The following HS6ST2 variants were observed in gnomAD, a reference collection of about 807,000 sequenced individuals.
The protein encoded by HS6ST2 is heparan-sulfate 6-O-sulfotransferase 2.
Under a neutral mutation model 33.0 loss-of-function variants are expected in HS6ST2, and 17 were observed. The observed-to-expected ratio is 0.52, with a 90% confidence interval of 0.35 to 0.77. The LOEUF (loss-of-function observed/expected upper bound fraction) is 0.77, where lower values mean the gene tolerates loss of function less well. Among genes scored for constraint, HS6ST2 ranks in the 30% least tolerant of loss-of-function variants. The probability of loss-of-function intolerance (pLI) is 0.01; values close to 1 mark genes in which losing one functional copy is unlikely to be tolerated. For synonymous variants in HS6ST2, 248 were observed against 237.1 expected (o/e 1.05, Z -0.42); for missense variants, 519 against 551.7 (o/e 0.94, Z 0.59).
chrX:132,890,024 A>C (rs981009579), intron 2 of HS6ST2, among the ~76,000 whole-genome samples: 1 of 111,723 alleles, frequency 9.0e-6, no homozygotes, highest in Non-Finnish European at 1.9e-5. Flanking sequence ...TTCATAGGCA[A>C]CAGTAACTCT....
intron 3 of HS6ST2, among the ~76,000 whole-genome samples, chrX:132,694,831 G>A (rs2064091101): frequency 9.0e-6 from 1 of 111,107 alleles, no homozygotes; most frequent in Admixed American, 9.6e-5. Context: ...TGGCCTGGGG[G>A]AGAAAAAGAT....
At chrX:132,954,661 G>A (rs770161890) in intron 2 of HS6ST2, among the ~76,000 whole-genome samples, 1 of 111,863 alleles carries the variant, frequency 8.9e-6, no homozygotes, top group Admixed American at 9.4e-5. Context: ...GTGCCCTTGA[G>A]GTAGCAATGC....
rs1359673276 is a variant in HS6ST2 at position 132,628,216 on chromosome X, G to C, written c.*7C>G. On this transcript the variant is annotated 3_prime_UTR_variant, in exon 5 of 5. Transcript: ENST00000370833. The stretch of plus-strand genomic sequence containing the variant: ...GGGAGAAGTATGTACAGGCCTTTTT[G>C]AGCCATTTAACGCCATTTCTCTACA... The C allele has an allele frequency of 8.9e-7, 1 of 1,126,537 alleles. No individual in the cohort carries two copies. Among genetic ancestry groups the C allele is most frequent in the African/African-American group, 1.8e-5 (1 of 55,133 alleles). The allele number at this position is 1,126,537 out of a possible 1,213,427, so 92.8% of individuals were successfully genotyped here.
chrX:132,825,800 A>G (rs979508098), intron 2 of HS6ST2, among the ~76,000 whole-genome samples: 13 of 111,790 alleles, frequency 1.2e-4, no homozygotes, highest in African/African-American at 4.2e-4. Flanking sequence ...TAATACAGCC[A>G]AAAGGAATCC....
chrX:132,763,639 T>G (rs1222413369), intron 2 of HS6ST2, among the ~76,000 whole-genome samples: 1 of 112,066 alleles, frequency 8.9e-6, no homozygotes, highest in East Asian at 2.8e-4. Flanking sequence ...ATCTTGCAAC[T>G]GTGACATGTC....
chrX:132,877,623 T>C (rs986036970), intron 2 of HS6ST2, among the ~76,000 whole-genome samples: 1 of 110,933 alleles, frequency 9.0e-6, no homozygotes, highest in Admixed American at 9.7e-5. Context: ...AAGGATCAGC[T>C]CGGTATAATA....
At chrX:132,732,693 T>C (rs1403877147) in intron 2 of HS6ST2, among the ~76,000 whole-genome samples, 1 of 111,641 alleles carries the variant, frequency 9.0e-6, no homozygotes, top group Non-Finnish European at 1.9e-5. Context: ...TCCTTTACCT[T>C]CTGCCATGAT....
At chrX:132,950,589 T>C (rs559150729) in intron 2 of HS6ST2, among the ~76,000 whole-genome samples, 1 of 111,947 alleles carries the variant, frequency 8.9e-6, no homozygotes, top group Admixed American at 9.5e-5. Context: ...AAAAGTATTC[T>C]ATGTTTAAAT....
At chrX:132,893,637 C>T (rs890107871) in intron 2 of HS6ST2, among the ~76,000 whole-genome samples, 1 of 111,743 alleles carries the variant, frequency 8.9e-6, no homozygotes, top group African/African-American at 3.2e-5. Flanking sequence ...GAACTCTTCC[C>T]AGGCTGGGAG....
chrX:132,828,661 A>G (rs2065550287), intron 2 of HS6ST2, among the ~76,000 whole-genome samples: 1 of 91,392 alleles, frequency 1.1e-5, no homozygotes. Flanking sequence ...TCCTGGGGAT[A>G]ATGGAAATAT....
intron 3 of HS6ST2, among the ~76,000 whole-genome samples, chrX:132,672,156 A>G (rs759156500): frequency 1.1e-4 from 12 of 111,378 alleles, no homozygotes; most frequent in Non-Finnish European, 2.1e-4. Context: ...CTGTCTGGGA[A>G]CTTCAAAGAT....
At chrX:132,926,981 G>GC (rs760980800) in intron 2 of HS6ST2, among the ~76,000 whole-genome samples, 3 of 110,481 alleles carry the variant, frequency 2.7e-5, no homozygotes, top group South Asian at 3.9e-4. Flanking sequence ...GCAGTACTGA[G>GC]CCCCCCCATC....
intron 2 of HS6ST2, among the ~76,000 whole-genome samples, chrX:132,765,865 G>A (rs1306876465): frequency 8.9e-6 from 1 of 112,063 alleles, no homozygotes; most frequent in East Asian, 2.8e-4. Flanking sequence ...ACCTTACATG[G>A]ACTAGTATGT....
rs1304595726 is a variant in HS6ST2 at position 132,633,777 on chromosome X, A to G, written c.1068-4684T>C. On this transcript the variant is annotated intron_variant, in intron 4 of 4. Transcript: ENST00000370833. ...AGGGCTTCTCTTCTTTATGCTAAAA[A>G]TGGTTTTCAACTATTCTCTATATAG... is the stretch of plus-strand genomic sequence containing the variant. Among the ~76,000 whole-genome samples, 3 of 111,983 alleles carry G rather than the reference A, an allele frequency of 2.7e-5. No individual in the cohort carries two copies. In the East Asian group the frequency reaches 8.4e-4, roughly 31 times the overall value.
rs762160257 is a variant in HS6ST2 at position 132,743,759 on chromosome X, T to TTTTG, written c.948-35269_948-35266dup. On this transcript the variant is annotated intron_variant, in intron 2 of 4. Transcript: ENST00000370833. ...TATCCACTGCACCAATTGCAGCGTT[T>TTTTG]TTTGTTTGTTTGTTTGTTTGTTTTT... is the stretch of plus-strand genomic sequence containing the variant. Among the ~76,000 whole-genome samples, 10 of 111,427 alleles carry TTTTG rather than the reference T, an allele frequency of 9.0e-5. No individual in the cohort carries two copies. In the East Asian group the frequency reaches 2.0e-3, roughly 22 times the overall value.
chrX:132,634,165 A>G (rs1314736334), intron 4 of HS6ST2, among the ~76,000 whole-genome samples: 1 of 112,118 alleles, frequency 8.9e-6, no homozygotes, highest in East Asian at 2.8e-4. Context: ...CAATATCTTC[A>G]CCATACTTTC....
At chrX:132,696,251 G>T (rs2064104175) in intron 3 of HS6ST2, among the ~76,000 whole-genome samples, 1 of 111,723 alleles carries the variant, frequency 9.0e-6, no homozygotes, top group African/African-American at 3.3e-5. Flanking sequence ...CATGTATGTG[G>T]CCAGTCTGTC....
intron 2 of HS6ST2, among the ~76,000 whole-genome samples, chrX:132,921,885 A>G (rs1602876916): frequency 8.9e-6 from 1 of 112,085 alleles, no homozygotes; most frequent in South Asian, 3.7e-4. Context: ...AGACATGTCA[A>G]TGGCTTAATC....
intron 3 of HS6ST2, among the ~76,000 whole-genome samples, chrX:132,689,824 G>A (rs1376447622): frequency 8.9e-6 from 1 of 111,809 alleles, no homozygotes; most frequent in Admixed American, 9.4e-5. Flanking sequence ...AGCCCAGAAT[G>A]GCTTTGAATG....
Sources: allele counts gnomAD v4.1 joint callset (sites outside exome capture counted in the v4.1 genomes callset), GRCh38; gene constraint gnomAD v4.1.1; transcripts MANE v1.5; gene names NCBI Gene and HGNC (gene_info 2026-07-23, HGNC 2026-07-21).